The following SUPT20H variants were observed in gnomAD, a reference collection of about 807,000 sequenced individuals.
SUPT20H encodes the protein SPT20 homolog, SAGA complex component.
In SUPT20H, 82 loss-of-function variants were observed where a neutral mutation model predicts 122.8. That is an observed-to-expected ratio of 0.67 (90% CI 0.56 to 0.80). The LOEUF (loss-of-function observed/expected upper bound fraction) is 0.80, where lower values mean the gene tolerates loss of function less well. SUPT20H is among the 30% of genes least tolerant of loss of function. SUPT20H has a pLI of 0.00. For missense variants in SUPT20H, 831 were observed against 921.6 expected (o/e 0.90, Z 1.27); for synonymous variants, 291 against 313.0 (o/e 0.93, Z 0.74).
At chr13:37,040,126 C>T (rs907938652) in intron 9 of SUPT20H, 1 of 268,388 alleles carries the variant, frequency 3.7e-6, no homozygotes, top group African/African-American at 2.2e-5. Flanking sequence ...AAAAACAAAA[C>T]ATTTTTCTTC....
At chr13:37,012,355 G>T in intron 23 of SUPT20H, 58 bp from the exon 24 acceptor site, 1 of 1,387,796 alleles carries the variant, frequency 7.2e-7, no homozygotes, top group South Asian at 1.2e-5. Flanking sequence ...TTGAGCTGGT[G>T]AAAAGAAATC....
intron 2 of SUPT20H, 82 bp from the exon 3 acceptor site, chr13:37,048,681 T>G: frequency 8.1e-7 from 1 of 1,239,892 alleles, no homozygotes; most frequent in Non-Finnish European, 1.1e-6. Flanking sequence ...TTCTAATGTT[T>G]TCTAAAACAG....
At chr13:37,047,968 CT>C in intron 3 of SUPT20H, 32 bp from the exon 4 acceptor site, 1 of 1,573,350 alleles carries the variant, frequency 6.4e-7, no homozygotes, top group South Asian at 1.2e-5. Context: ...GAACAGCTTG[CT>C]TTTTGCTTTT....
chr13:37,032,658 C>G (rs1440326987), intron 10 of SUPT20H, among the ~76,000 whole-genome samples: 1 of 152,164 alleles, frequency 6.6e-6, no homozygotes, highest in Admixed American at 6.5e-5. Flanking sequence ...GACCTAGTCA[C>G]TGGGAGCCCC....
intron 7 of SUPT20H, among the ~76,000 whole-genome samples, chr13:37,043,631 T>C (rs2065893659): frequency 6.6e-6 from 1 of 152,108 alleles, no homozygotes. Context: ...TAGCTATATA[T>C]GTCTCATTTC....
At chr13:37,052,760 C>T (rs1004900596) in intron 1 of SUPT20H, among the ~76,000 whole-genome samples, 5 of 151,964 alleles carry the variant, frequency 3.3e-5, no homozygotes, top group Non-Finnish European at 5.9e-5. Context: ...ACAGAATGGG[C>T]GATAATTTTT....
chr13:37,059,187 G>A (rs1566411158), intron 1 of SUPT20H: 1 of 152,180 alleles, frequency 6.6e-6, no homozygotes, highest in African/African-American at 2.4e-5. Context: ...TCACAACTTA[G>A]GCTTTACCTG....
At chr13:37,010,763 T>A in intron 24 of SUPT20H, 108 bp from the exon 25 acceptor site, 2 of 742,850 alleles carry the variant, frequency 2.7e-6, no homozygotes, top group Non-Finnish European at 4.5e-6. Context: ...AGCAGTATGA[T>A]TAATCTTAAG....
chr13:37,056,640 A>G (rs2069113124), intron 1 of SUPT20H, among the ~76,000 whole-genome samples: 1 of 152,110 alleles, frequency 6.6e-6, no homozygotes, highest in South Asian at 2.1e-4. Context: ...GGGGAGGGAT[A>G]GCATGAGGAG....
chr13:37,041,387 G>A (rs575858223), intron 7 of SUPT20H, among the ~76,000 whole-genome samples: 9 of 151,934 alleles, frequency 5.9e-5, no homozygotes, highest in Non-Finnish European at 8.8e-5. Flanking sequence ...GTGTGGTGGC[G>A]AGCGCCTGTA....
intron 2 of SUPT20H, among the ~76,000 whole-genome samples, chr13:37,049,859 A>G (rs1459174175): frequency 2.0e-5 from 3 of 152,174 alleles, no homozygotes; most frequent in Non-Finnish European, 4.4e-5. Context: ...TTTAAATTTT[A>G]TTAAGAGGCA....
chr13:37,028,129 T>G lies in SUPT20H; in HGVS notation c.1151+19A>C, dbSNP rs769672763. ...CCTTATTTTTTTTTTTCCAGTTACT[T>G]GTATTTAACAGAACTCACTGTGATG... is the stretch of plus-strand genomic sequence containing the variant. On this transcript the variant is annotated intron_variant, in intron 14 of 25. Coordinates refer to ENST00000350612, the MANE Select transcript of SUPT20H (RefSeq NM_001014286.3). The G allele has an allele frequency of 3.2e-6, 5 of 1,539,626 alleles. No individual in the cohort carries two copies. The highest frequency in any genetic ancestry group is 1.3e-5 in the South Asian group (1 of 79,610).
At chr13:37,033,341 T>G in intron 10 of SUPT20H, 108 bp downstream of exon 10, 1 of 1,388,722 alleles carries the variant, frequency 7.2e-7, no homozygotes, top group South Asian at 1.4e-5. Flanking sequence ...TCTCTACCCT[T>G]CCCCACCAAA....
At chr13:37,056,646 AG>A (rs1332546756) in intron 1 of SUPT20H, among the ~76,000 whole-genome samples, 7 of 152,134 alleles carry the variant, frequency 4.6e-5, no homozygotes, top group African/African-American at 1.7e-4. Flanking sequence ...GGATAGCATG[AG>A]GAGATATACC....
intron 12 of SUPT20H, 34 bp from the exon 13 acceptor site, chr13:37,029,870 T>C (rs2062991857): frequency 6.7e-7 from 1 of 1,499,506 alleles, no homozygotes; most frequent in Middle Eastern, 1.7e-4. Context: ...CCACATAAAA[T>C]AGAATCCATA....
chr13:37,014,505 A>C (rs2060112993), intron 23 of SUPT20H, among the ~76,000 whole-genome samples: 2 of 152,252 alleles, frequency 1.3e-5, no homozygotes, highest in Non-Finnish European at 2.9e-5. Context: ...ACAAACTTAA[A>C]AGAACCAAAA....
intron 3 of SUPT20H, among the ~76,000 whole-genome samples, 158 bp from the exon 4 acceptor site, chr13:37,048,094 G>A (rs577499434): frequency 3.9e-5 from 6 of 152,252 alleles, no homozygotes; most frequent in Middle Eastern, 3.4e-3. Context: ...CTAAAGATAA[G>A]TTTCAAACAA....
At chr13:37,051,843 C>T (rs1594549820) in intron 1 of SUPT20H, among the ~76,000 whole-genome samples, 1 of 152,122 alleles carries the variant, frequency 6.6e-6, no homozygotes, top group African/African-American at 2.4e-5. Context: ...CTCAAAAATA[C>T]TTAACATCTC....
chr13:37,056,016 A>C (rs2068913382), intron 1 of SUPT20H, among the ~76,000 whole-genome samples: 1 of 152,214 alleles, frequency 6.6e-6, no homozygotes, highest in Non-Finnish European at 1.5e-5. Context: ...CACATGAAAA[A>C]ATGCTCATCA....
Sources: gnomAD v4.1 joint callset for allele counts (sites outside exome capture counted in the v4.1 genomes callset) on GRCh38, gnomAD v4.1.1 for gene constraint, MANE v1.5 for transcripts, NCBI Gene and HGNC (gene_info 2026-07-23, HGNC 2026-07-21) for gene names.